ATP2B2: variants seen among roughly 807,000 people sequenced by gnomAD.
ATP2B2 encodes the protein plasma membrane calcium-transporting ATPase 2.
ATP2B2 carries 15 observed loss-of-function variants against 120.0 expected under a neutral mutation model. That is an observed-to-expected ratio of 0.12 (90% CI 0.08 to 0.19). ATP2B2 has a LOEUF of 0.19. ATP2B2 is among the 10% of genes least tolerant of loss of function. The pLI is 1.00. For missense variants in ATP2B2, 1,045 were observed against 1,719.8 expected, an observed-to-expected ratio of 0.61 and a Z score of 6.94; for synonymous variants, 694 against 700.3, an observed-to-expected ratio of 0.99 and a Z score of 0.14.
chr3:10,417,066 C>CGGG (rs201363749), intron 2 of ATP2B2, among the ~76,000 whole-genome samples: 6 of 38,096 alleles, frequency 1.6e-4, no homozygotes, highest in African/African-American at 1.1e-3. Flanking sequence ...TCCCAGACGG[C>CGGG]GGCGGGGGGG....
chr3:10,517,428 G>A (rs1040224025), intron 3 of ATP2B2, among the ~76,000 whole-genome samples: 2 of 152,148 alleles, frequency 1.3e-5, no homozygotes, highest in African/African-American at 4.8e-5. Context: ...AAATGAGAGG[G>A]GTTGGGAAAA....
chr3:10,663,573 C>T (rs141604927), intron 1 of ATP2B2, among the ~76,000 whole-genome samples: 194 of 152,260 alleles, frequency 1.3e-3, no homozygotes, highest in Non-Finnish European at 2.0e-3. Flanking sequence ...AGTGACCACA[C>T]GCTCCCAGGT....
chr3:10,450,134 C>A (rs2063983538), intron 1 of ATP2B2, among the ~76,000 whole-genome samples: 1 of 152,170 alleles, frequency 6.6e-6, no homozygotes, highest in African/African-American at 2.4e-5. Flanking sequence ...TCACAACACA[C>A]ACACTGTGTG....
chr3:10,458,093 G>A (rs188160171), intron 1 of ATP2B2, among the ~76,000 whole-genome samples: 11 of 151,898 alleles, frequency 7.2e-5, no homozygotes, highest in East Asian at 5.8e-4. Flanking sequence ...CCATCCGTTC[G>A]TCCATCCTTC....
rs541587940 is a variant in ATP2B2 at position 10,338,491 on chromosome 3, C to T, written c.3238-133G>A. On this transcript the variant is annotated intron_variant, in intron 21 of 22. Transcript: ENST00000360273. ...TGTGATCAATCTACTCCTTCACCCA[C>T]CTCACCTGTTCCTCAGCCCAGTCTT... The T allele has an allele frequency of 5.1e-4, 438 of 852,164 alleles. No individual in the cohort carries two copies. The African/African-American group carries it at 6.0e-3, about 12-fold the overall frequency. 52.8% of individuals were successfully genotyped at this position (852,164 alleles called of 1,614,324 possible). A position where few individuals can be genotyped will look rare whatever the true frequency, so the allele number is the denominator to read the frequency against.
chr3:10,405,832 A>C (rs1430884232), intron 3 of ATP2B2, among the ~76,000 whole-genome samples: 1 of 152,212 alleles, frequency 6.6e-6, no homozygotes, highest in Non-Finnish European at 1.5e-5. Flanking sequence ...GTTGAGCCAT[A>C]AACATTTTCT....
intron 1 of ATP2B2, among the ~76,000 whole-genome samples, chr3:10,685,514 G>C (rs537948232): frequency 1.1e-4 from 17 of 152,156 alleles, no homozygotes; most frequent in Non-Finnish European, 1.9e-4. Flanking sequence ...GAGAGAGAGA[G>C]AGTGTGTGTA....
chr3:10,476,202 G>A (rs185501761), intron 1 of ATP2B2, among the ~76,000 whole-genome samples: 3 of 152,330 alleles, frequency 2.0e-5, no homozygotes, highest in Non-Finnish European at 1.5e-5. Context: ...ATTATGACAG[G>A]TTGCCCCAGA....
chr3:10,496,750 T>C (rs1328505475), intron 1 of ATP2B2, among the ~76,000 whole-genome samples: 1 of 152,106 alleles, frequency 6.6e-6, no homozygotes, highest in Non-Finnish European at 1.5e-5. Context: ...ATTTAAAGTC[T>C]CAGGGGGCCC....
At chr3:10,420,080 G>A (rs1207215994) in intron 2 of ATP2B2, among the ~76,000 whole-genome samples, 1 of 152,244 alleles carries the variant, frequency 6.6e-6, no homozygotes. Context: ...GTGCATGCAT[G>A]CGTGCCCGAG....
intron 1 of ATP2B2, among the ~76,000 whole-genome samples, chr3:10,496,055 G>T (rs894479642): frequency 4.6e-5 from 7 of 152,216 alleles, no homozygotes; most frequent in Admixed American, 2.0e-4. Flanking sequence ...CCCTCTTCAG[G>T]ATGCTCTGAG....
At chr3:10,628,563 C>T (rs978897801) in intron 1 of ATP2B2, among the ~76,000 whole-genome samples, 18 of 152,224 alleles carry the variant, frequency 1.2e-4, no homozygotes, top group Admixed American at 2.6e-4. Context: ...TGTAGTAGGG[C>T]GTCCATGCAA....
chr3:10,684,104 G>A (rs1335052472), intron 1 of ATP2B2, among the ~76,000 whole-genome samples: 2 of 152,154 alleles, frequency 1.3e-5, no homozygotes, highest in East Asian at 1.9e-4. Flanking sequence ...AATCTCATGG[G>A]TGGGCAAGTG....
intron 22 of ATP2B2, among the ~76,000 whole-genome samples, chr3:10,336,850 C>T (rs931505755): frequency 6.6e-6 from 1 of 152,216 alleles, no homozygotes; most frequent in Non-Finnish European, 1.5e-5. Flanking sequence ...AAGAGGCAGG[C>T]AAGACAGGCG....
chr3:10,630,626 T>C (rs2069836289), intron 1 of ATP2B2, among the ~76,000 whole-genome samples: 1 of 152,252 alleles, frequency 6.6e-6, no homozygotes, highest in African/African-American at 2.4e-5. Flanking sequence ...CACAGCTTTA[T>C]GATCCTGCAT....
In ATP2B2 at chr3:10,597,888, C is replaced by T. The variant is rs532941625; in HGVS notation, c.-415+22029G>A. 3.9e-5 allele frequency among the ~76,000 whole-genome samples: 6 copies of T among 152,280 alleles called. No homozygotes were observed. In the South Asian group the frequency reaches 6.2e-4, roughly 16 times the overall value. ...TGTTAAATGGCCCTCAAGCTACCAC[C>T]CCTCAAAAGGACATGACAAGGATTA... On this transcript the variant is annotated intron_variant, in intron 2 of 21. Transcript: ENST00000646379.
intron 1 of ATP2B2, among the ~76,000 whole-genome samples, chr3:10,685,424 G>A (rs763965252): frequency 1.3e-5 from 2 of 152,188 alleles, no homozygotes; most frequent in Non-Finnish European, 2.9e-5. Context: ...GGTGTTCCGT[G>A]GGGACTCCAG....
chr3:10,586,594 C>G (rs1205131314), intron 2 of ATP2B2, among the ~76,000 whole-genome samples: 4 of 152,136 alleles, frequency 2.6e-5, no homozygotes, highest in Non-Finnish European at 5.9e-5. Context: ...TCTGAGGTTC[C>G]TCGAGAGAAT....
intron 1 of ATP2B2, among the ~76,000 whole-genome samples, chr3:10,658,763 G>A (rs1425299354): frequency 7.3e-5 from 11 of 151,196 alleles, no homozygotes; most frequent in Non-Finnish European, 1.5e-4. Context: ...GATACTCCTC[G>A]AGAAGAGCAA....
Sources: gnomAD v4.1 joint callset for allele counts (sites outside exome capture counted in the v4.1 genomes callset) on GRCh38, gnomAD v4.1.1 for gene constraint, MANE v1.5 for transcripts, NCBI Gene and HGNC (gene_info 2026-07-23, HGNC 2026-07-21) for gene names.